The following WDR17 variants were observed in gnomAD, a reference collection of about 807,000 sequenced individuals.
The protein encoded by WDR17 is WD repeat domain 17.
In WDR17, 143 loss-of-function variants were observed where a neutral mutation model predicts 161.7. The ratio of observed to expected loss-of-function variants is 0.88; its 90% confidence interval spans 0.77 to 1.02. WDR17 has a LOEUF of 1.02. Ranked by LOEUF, WDR17 falls within the 50% of genes least tolerant of loss-of-function variation. The pLI is 0.00. For missense variants in WDR17, 1,469 were observed against 1,520.9 expected (o/e 0.97, Z 0.57); for synonymous variants, 517 against 515.6 (o/e 1.00, Z -0.04).
intron 21 of WDR17, 111 bp downstream of exon 21, chr4:176,162,285 T>C (rs1275049105): frequency 1.6e-5 from 14 of 887,440 alleles, no homozygotes; most frequent in East Asian, 2.8e-5. Context: ...TTTGCATGTC[T>C]TCGAAGCCTG....
rs752246185 is a variant in WDR17 at position 176,125,163 on chromosome 4, G to A, written c.598G>A (p.Asp200Asn). Reference sequence around the variant, plus strand: ...ATCTCTTGAAGGGACAGATGAAGAGGATCCAGTTACGGCCTTGGAATGGGA... The same window carrying A: ...ATCTCTTGAAGGGACAGATGAAGAGAATCCAGTTACGGCCTTGGAATGGGA... Reference protein sequence around the residue: ...PESLEGTDEEDPVTALEWDPL... With the variant: ...PESLEGTDEENPVTALEWDPL... Residue 200 changes from aspartate to asparagine, a missense_variant, in exon 5 of 29, where the codon GAT (aspartate) becomes AAT (asparagine). By Grantham distance (23) the Asp-to-Asn change is conservative (BLOSUM62 1). Transcript: ENST00000508596. 6.2e-7 allele frequency: 1 copy of A among 1,614,128 alleles called. No individual in the cohort carries two copies. Among genetic ancestry groups the A allele is most frequent in the African/African-American group, 1.3e-5 (1 of 75,038 alleles).
At position 176,148,257 on chromosome 4, in the gene WDR17, G is replaced by GAATAT. The variant is rs1554031773; in HGVS notation, c.1820_1821insATATA (p.Asp607GlufsTer6). 3 of 1,613,994 alleles carry GAATAT rather than the reference G, an allele frequency of 1.9e-6. No homozygotes were observed. Among genetic ancestry groups the GAATAT allele is most frequent in the Non-Finnish European group, 2.5e-6 (3 of 1,179,950 alleles). On this transcript the variant is annotated frameshift_variant, in exon 13 of 29. Transcript: ENST00000508596. LOFTEE classifies it high-confidence loss of function. ...ATATCTGCTCATATCTGGCAGCTGG[G>GAATAT]ACTATACTATAAAAGTATGGGACAC...
In WDR17 at chr4:176,140,093, G is replaced by A. The variant is rs117775927; in HGVS notation, c.1442+119G>A. On this transcript the variant is annotated intron_variant, in intron 10 of 28. Coordinates refer to ENST00000508596, the MANE Select transcript of WDR17 (RefSeq NM_181265.4). ...TACAGCTCTACCAACTCTCAGAGGC[G>A]TTATTTTTAAGCCCATATAGGCACA... 473 of 749,244 alleles carry A rather than the reference G, an allele frequency of 6.3e-4. 3 individuals are homozygous for A. The East Asian group carries it at 0.012, about 19-fold the overall frequency. The allele number at this position is 749,244 out of a possible 1,614,324, so 46.4% of individuals were successfully genotyped here.
chr4:176,158,397 G>A (rs1234058895), intron 18 of WDR17, among the ~76,000 whole-genome samples: 1 of 152,102 alleles, frequency 6.6e-6, no homozygotes, highest in African/African-American at 2.4e-5. Context: ...ATAATTTTTA[G>A]GTTTTAGGTT....
Position 176,065,953 on chromosome 4 carries a change from G to A in WDR17, c.-133G>A, listed in dbSNP as rs1181936016. The A allele has an allele frequency of 6.6e-6, 1 of 152,024 alleles. No homozygotes were observed. Among genetic ancestry groups the A allele is most frequent in the African/African-American group, 2.4e-5 (1 of 41,402 alleles). The allele number at this position is 152,024 out of a possible 1,614,324, so 9.4% of individuals were successfully genotyped here. On this transcript the variant is annotated 5_prime_UTR_variant, in exon 1 of 29. Coordinates refer to ENST00000508596, the MANE Select transcript of WDR17 (RefSeq NM_181265.4). ...CCGCGGGCCCGGCCGCCCCGCCCCC[G>A]GGCGCCCTGAGCGAGCAGGCGGGGA...
At chr4:176,103,605 A>C (rs897543361) in intron 1 of WDR17, among the ~76,000 whole-genome samples, 9 of 152,102 alleles carry the variant, frequency 5.9e-5, no homozygotes, top group African/African-American at 2.2e-4. Flanking sequence ...AAAACCAAAA[A>C]AAGAATTGTA....
At chr4:176,096,722 T>C in intron 1 of WDR17, 1 of 577,562 alleles carries the variant, frequency 1.7e-6, no homozygotes, top group Non-Finnish European at 2.8e-6. Context: ...AAGACACTTA[T>C]TTGCTAGTTT....
chr4:176,090,416 A>G lies in WDR17; in HGVS notation c.-6-21159A>G, dbSNP rs555549775. Among the ~76,000 whole-genome samples the G allele has an allele frequency of 4.6e-5, 7 of 152,268 alleles. No individual in the cohort carries two copies. In the South Asian group the frequency reaches 1.0e-3, roughly 23 times the overall value. On this transcript the variant is annotated intron_variant, in intron 1 of 28. Transcript: ENST00000508596. ...CAAATTCTGGTGTCATGCTTCCTGT[A>G]TAGCCTGTAGAACCATGAGCCAAAT...
chr4:176,155,489 A>G (rs1747913869), intron 17 of WDR17, among the ~76,000 whole-genome samples: 1 of 150,256 alleles, frequency 6.7e-6, no homozygotes, highest in African/African-American at 2.4e-5. Context: ...GGGTACTTGG[A>G]ATTTAACCAT....
In WDR17 at chr4:176,076,254, TAC is replaced by T. The variant is rs1302008397; in HGVS notation, c.-7+10189_-7+10190del. 6.0e-3 allele frequency among the ~76,000 whole-genome samples: 355 copies of T among 59,350 alleles called. 2 individuals are homozygous for T. The highest frequency in any genetic ancestry group is 0.013 in the East Asian group (22 of 1,644). 38.9% of individuals were successfully genotyped at this position (59,350 alleles called of 152,430 possible). On this transcript the variant is annotated intron_variant, in intron 1 of 28. Coordinates refer to ENST00000508596, the MANE Select transcript of WDR17 (RefSeq NM_181265.4). ...ATATATATATATATATATATATATA[TAC>T]ACACACACACACATATATATACATG...
At chr4:176,125,516 T>G (rs911735734) in intron 5 of WDR17, among the ~76,000 whole-genome samples, 161 bp downstream of exon 5, 1 of 152,204 alleles carries the variant, frequency 6.6e-6, no homozygotes, top group Non-Finnish European at 1.5e-5. Flanking sequence ...TTATATTGTA[T>G]GTCATTAATG....
intron 1 of WDR17, among the ~76,000 whole-genome samples, chr4:176,087,235 C>A (rs868333828): frequency 6.6e-5 from 10 of 151,896 alleles, no homozygotes; most frequent in Non-Finnish European, 1.2e-4. Flanking sequence ...GGTCTACTAG[C>A]AATGAATTTA....
chr4:176,087,921 G>C (rs908530456), intron 1 of WDR17, among the ~76,000 whole-genome samples: 2 of 151,772 alleles, frequency 1.3e-5, no homozygotes, highest in African/African-American at 4.8e-5. Flanking sequence ...TCGGCTCACT[G>C]CAACCTTTGC....
chr4:176,080,437 C>A lies in WDR17; in HGVS notation c.-7+14358C>A, dbSNP rs192582983. On this transcript the variant is annotated intron_variant, in intron 1 of 28. Coordinates refer to ENST00000508596, the MANE Select transcript of WDR17 (RefSeq NM_181265.4). ...TCAGGGAGATGATGAGGAATCAAAA[C>A]AAAAAGATTTTAAAAAAACAATGGG... Among the ~76,000 whole-genome samples the A allele has an allele frequency of 4.6e-3, 701 of 151,072 alleles. 8 individuals carry two copies. The highest frequency in any genetic ancestry group is 0.017 in the African/African-American group (681 of 41,160).
chr4:176,097,579 T>C (rs1361228213), intron 1 of WDR17, among the ~76,000 whole-genome samples: 1 of 151,928 alleles, frequency 6.6e-6, no homozygotes, highest in Non-Finnish European at 1.5e-5. Flanking sequence ...AGAATAATAC[T>C]CATATTGTAA....
chr4:176,093,907 C>A (rs1179909554), intron 1 of WDR17, among the ~76,000 whole-genome samples: 1 of 152,074 alleles, frequency 6.6e-6, no homozygotes, highest in African/African-American at 2.4e-5. Flanking sequence ...GTGAAATATC[C>A]TGCTTTTCTT....
At chr4:176,150,687 G>A in intron 16 of WDR17, 94 bp downstream of exon 16, 1 of 1,267,128 alleles carries the variant, frequency 7.9e-7, no homozygotes, top group Non-Finnish European at 1.0e-6. Context: ...TATATGATTA[G>A]ATCGGTAGAT....
chr4:176,149,944 A>G lies in WDR17; in HGVS notation c.2035A>G (p.Ile679Val), dbSNP rs375628077. The G allele has an allele frequency of 5.6e-6, 9 of 1,612,556 alleles. No homozygotes were observed. In the African/African-American group the frequency reaches 6.7e-5, roughly 12 times the overall value. ...ILADRSWEEIIGNTDYAIEPG... is the reference protein window; with the variant it reads ...ILADRSWEEIVGNTDYAIEPG... ...GGCAGACAGATCTTGGGAAGAAATT[A>G]TTGGGAACACTGGTATGGAACATAT... is the stretch of plus-strand genomic sequence containing the variant. The change falls in exon 14 of 29, where the codon ATT (isoleucine) becomes GTT (valine). Residue 679 changes from isoleucine to valine, a missense_variant. Ile to Val is a conservative substitution (Grantham distance 29, BLOSUM62 3). Coordinates refer to ENST00000508596, the MANE Select transcript of WDR17 (RefSeq NM_181265.4).
intron 1 of WDR17, 21 bp from the exon 2 acceptor site, chr4:176,111,554 T>A (rs1275064249): frequency 6.3e-7 from 1 of 1,598,684 alleles, no homozygotes; most frequent in South Asian, 1.1e-5. Flanking sequence ...CACTGACATT[T>A]CTTCAAATTT....
Sources: allele counts gnomAD v4.1 joint callset (sites outside exome capture counted in the v4.1 genomes callset), GRCh38; gene constraint gnomAD v4.1.1; transcripts MANE v1.5; gene names NCBI Gene and HGNC (gene_info 2026-07-23, HGNC 2026-07-21).